Variants in COL4A3 observed in about 807,000 individuals in gnomAD.
COL4A3 encodes the protein collagen type IV alpha 3 chain, also known as collagen alpha-3(IV) chain.
In COL4A3, 135 loss-of-function variants were observed where a neutral mutation model predicts 217.4. The observed-to-expected ratio is 0.62, with a 90% CI of 0.54 to 0.72. The LOEUF (loss-of-function observed/expected upper bound fraction) is 0.72. Ranked by LOEUF, COL4A3 falls within the 30% of genes least tolerant of loss-of-function variation. The probability of loss-of-function intolerance (pLI) is 0.00; values close to 1 mark genes in which losing one functional copy is unlikely to be tolerated. For synonymous variants in COL4A3, 690 were observed against 736.3 expected (o/e 0.94, Z 1.02); for missense variants, 1,868 against 2,119.9 (o/e 0.88, Z 2.33).
chr2:227,210,167 G>A (rs1169413364), intron 1 of COL4A3, among the ~76,000 whole-genome samples: 3 of 152,218 alleles, frequency 2.0e-5, no homozygotes, highest in African/African-American at 7.2e-5. Flanking sequence ...GTTAAATATT[G>A]TTGCAGAAAC....
intron 5 of COL4A3, 65 bp downstream of exon 5, chr2:227,245,060 A>C: frequency 1.3e-6 from 2 of 1,499,846 alleles, no homozygotes; most frequent in South Asian, 2.3e-5. Context: ...TAAAGATGTT[A>C]AAACAGTCGT....
intron 15 of COL4A3, among the ~76,000 whole-genome samples, chr2:227,255,133 C>T (rs1454340989): frequency 6.6e-6 from 1 of 152,044 alleles, no homozygotes; most frequent in African/African-American, 2.4e-5. Context: ...TCTCATTGGC[C>T]CAGCTTGGTC....
In COL4A3 at chr2:227,202,801, T is replaced by TAA. The variant is rs1307413120; in HGVS notation, c.88-35166_88-35165dup. 3.7e-5 allele frequency among the ~76,000 whole-genome samples: 4 copies of TAA among 107,538 alleles called. 1 individual carries two copies. Among genetic ancestry groups the TAA allele is most frequent in the Admixed American group, 3.2e-4 (3 of 9,412 alleles). 70.5% of individuals were successfully genotyped at this position (107,538 alleles called of 152,430 possible). ...ATATATATACACATGTGTATATATA[T>TAA]AATATGTGTATATATACATATATGT... On this transcript the variant is annotated intron_variant, in intron 1 of 51. Transcript: ENST00000396578.
intron 3 of COL4A3, among the ~76,000 whole-genome samples, chr2:227,242,740 G>A (rs1383279360): frequency 6.6e-6 from 1 of 152,170 alleles, no homozygotes; most frequent in African/African-American, 2.4e-5. Context: ...TCTGTGTCAG[G>A]AACCAAAGGC....
At chr2:227,270,225 G>A (rs959571185) in intron 24 of COL4A3, among the ~76,000 whole-genome samples, 3 of 152,232 alleles carry the variant, frequency 2.0e-5, no homozygotes, top group African/African-American at 7.2e-5. Flanking sequence ...AGTGGGAACA[G>A]AGGTTCATTG....
In COL4A3 at chr2:227,314,451, A is replaced by C. The variant is rs1165399989; in HGVS notation, c.*2581A>C. ...CTGTTTCTTTAAAATTGGGGCTTCAACTTTGGAATTTCACAGCGTGCTAAA... is the reference window on the plus strand; with the variant it reads ...CTGTTTCTTTAAAATTGGGGCTTCACCTTTGGAATTTCACAGCGTGCTAAA... On this transcript the variant is annotated 3_prime_UTR_variant, in exon 52 of 52. Transcript: ENST00000396578. 1 of 152,658 alleles carries C rather than the reference A, an allele frequency of 6.6e-6. No homozygotes were observed. The highest frequency in any genetic ancestry group is 1.5e-5 in the Non-Finnish European group (1 of 68,042). 9.5% of individuals were successfully genotyped at this position (152,658 alleles called of 1,614,324 possible).
intron 34 of COL4A3, 112 bp downstream of exon 34, chr2:227,284,457 G>GT: frequency 8.1e-7 from 1 of 1,231,038 alleles, no homozygotes; most frequent in Non-Finnish European, 1.2e-6. Flanking sequence ...CCAGTGTTTA[G>GT]TTACCTGCCC....
intron 1 of COL4A3, among the ~76,000 whole-genome samples, chr2:227,173,523 C>T (rs941942031): frequency 3.3e-5 from 5 of 152,060 alleles, no homozygotes; most frequent in Non-Finnish European, 7.4e-5. Context: ...ATTTCCTAAC[C>T]GAGACTAAAT....
chr2:227,252,212 C>CTTTT (rs72162625), intron 11 of COL4A3, among the ~76,000 whole-genome samples: 57 of 82,840 alleles, frequency 6.9e-4, no homozygotes, highest in African/African-American at 9.6e-4. Context: ...TTCTTTCTTT[C>CTTTT]TTTTTTTTTT....
At chr2:227,190,648 C>T (rs921287261) in intron 1 of COL4A3, among the ~76,000 whole-genome samples, 2 of 152,184 alleles carry the variant, frequency 1.3e-5, no homozygotes, top group African/African-American at 4.8e-5. Context: ...CATCGTGGCT[C>T]TAATCCCAGC....
At chr2:227,265,069 C>A (rs981232648) in intron 21 of COL4A3, 1 of 152,176 alleles carries the variant, frequency 6.6e-6, no homozygotes, top group African/African-American at 2.4e-5. Flanking sequence ...TTACAAGAAT[C>A]AAAGTATTTT....
intron 28 of COL4A3, chr2:227,279,409 GC>G (rs1206537257): frequency 5.7e-6 from 1 of 176,590 alleles, no homozygotes; most frequent in Non-Finnish European, 1.2e-5. Flanking sequence ...GAGCCATCAT[GC>G]CCAGCCAAAA....
chr2:227,311,923 G>A lies in COL4A3; in HGVS notation c.*53G>A, dbSNP rs1393942161. 6.2e-7 allele frequency: 1 copy of A among 1,608,286 alleles called. No individual in the cohort carries two copies. Among genetic ancestry groups the A allele is most frequent in the South Asian group, 1.1e-5 (1 of 90,362 alleles). Reference sequence around the variant, plus strand: ...TTTTCATCCTAAAGAACAAAGTAATGACAGAACATGCTGTTATTTAGGTAT... The same window carrying A: ...TTTTCATCCTAAAGAACAAAGTAATAACAGAACATGCTGTTATTTAGGTAT... On this transcript the variant is annotated 3_prime_UTR_variant, in exon 52 of 52. Coordinates refer to ENST00000396578, the MANE Select transcript of COL4A3 (RefSeq NM_000091.5).
At chr2:227,201,491 G>A (rs1358603360) in intron 1 of COL4A3, among the ~76,000 whole-genome samples, 1 of 152,174 alleles carries the variant, frequency 6.6e-6, no homozygotes, top group East Asian at 1.9e-4. Context: ...GCAGAAAGAA[G>A]AATAGTAGCA....
intron 3 of COL4A3, among the ~76,000 whole-genome samples, chr2:227,243,066 G>A (rs184748004): frequency 6.9e-4 from 105 of 152,278 alleles, no homozygotes; most frequent in African/African-American, 2.5e-3. Context: ...TCAGCCTAAT[G>A]CCAATTCCGT....
At chr2:227,171,603 G>A (rs2065475287) in intron 1 of COL4A3, among the ~76,000 whole-genome samples, 1 of 152,140 alleles carries the variant, frequency 6.6e-6, no homozygotes, top group South Asian at 2.1e-4. Context: ...GGCTTAAACA[G>A]GCACTTACTT....
intron 30 of COL4A3, 132 bp downstream of exon 30, chr2:227,280,722 C>T (rs2071902531): frequency 1.0e-5 from 12 of 1,185,264 alleles, no homozygotes; most frequent in Non-Finnish European, 1.4e-5. Flanking sequence ...TTCCTTCTTT[C>T]CTTCTTCCTT....
Position 227,240,243 on chromosome 2 carries a change from C to T in COL4A3, c.234+11C>T, listed in dbSNP as rs1476686343. ...CCGCAGGGACCCAAGGTATGTCATC[C>T]TGCAAGCTTGGAAAATCCCCAACCC... On this transcript the variant is annotated intron_variant, in intron 3 of 51. Transcript: ENST00000396578. The T allele has an allele frequency of 1.2e-6, 2 of 1,602,290 alleles. No homozygotes were observed. Among genetic ancestry groups the T allele is most frequent in the African/African-American group, 1.3e-5 (1 of 74,720 alleles).
At position 227,175,759 on chromosome 2, in the gene COL4A3, A is replaced by G. The variant is rs377235209; in HGVS notation, c.87+10946A>G. On this transcript the variant is annotated intron_variant, in intron 1 of 51. Coordinates refer to ENST00000396578, the MANE Select transcript of COL4A3 (RefSeq NM_000091.5). ...ACATGGCTGTCTATGGTATAATTTTAATGTTCATGTTTAACAAATCAAAAT... is the reference window on the plus strand; with the variant it reads ...ACATGGCTGTCTATGGTATAATTTTGATGTTCATGTTTAACAAATCAAAAT... 2.6e-5 allele frequency among the ~76,000 whole-genome samples: 4 copies of G among 152,200 alleles called. No homozygotes were observed. The East Asian group carries it at 7.7e-4, about 29-fold the overall frequency.
Sources: allele counts gnomAD v4.1 joint callset (sites outside exome capture counted in the v4.1 genomes callset), GRCh38; gene constraint gnomAD v4.1.1; transcripts MANE v1.5; gene names NCBI Gene and HGNC (gene_info 2026-07-23, HGNC 2026-07-21).